The following WWTR1 variants were observed in gnomAD, a reference collection of about 807,000 sequenced individuals.
The protein encoded by WWTR1 is WW domain-containing transcription regulator protein 1.
Under a neutral mutation model 40.1 loss-of-function variants are expected in WWTR1, and 13 were observed. The observed-to-expected ratio is 0.32, with a 90% CI of 0.21 to 0.52. WWTR1 has a LOEUF of 0.52. WWTR1 is among the 20% of genes least tolerant of loss of function. The pLI is 0.97. For missense variants in WWTR1, 436 were observed against 523.1 expected, an observed-to-expected ratio of 0.83 and a Z score of 1.63; for synonymous variants, 230 against 210.1, an observed-to-expected ratio of 1.09 and a Z score of -0.82.
intron 1 of WWTR1, among the ~76,000 whole-genome samples, chr3:149,701,276 A>C (rs956663802): frequency 6.6e-6 from 1 of 152,200 alleles, no homozygotes; most frequent in African/African-American, 2.4e-5. Context: ...TTTGGGACCA[A>C]ACTGCCTGGA....
At chr3:149,712,385 C>CA (rs1258659614) in intron 5 of WWTR1, among the ~76,000 whole-genome samples, 1 of 152,118 alleles carries the variant, frequency 6.6e-6, no homozygotes. Flanking sequence ...AGAGAAAACA[C>CA]AAAAAATTAT....
At chr3:149,680,603 A>T (rs939394024) in intron 1 of WWTR1, among the ~76,000 whole-genome samples, 1 of 151,836 alleles carries the variant, frequency 6.6e-6, no homozygotes, top group African/African-American at 2.4e-5. Flanking sequence ...GGAGGCTGAG[A>T]TGGGAGGATC....
intron 1 of WWTR1, among the ~76,000 whole-genome samples, chr3:149,687,115 T>C (rs1160228254): frequency 5.3e-5 from 8 of 152,194 alleles, no homozygotes; most frequent in Admixed American, 5.2e-4. Context: ...TTCCCTCTCA[T>C]TGAGTTCTAC....
intron 2 of WWTR1, among the ~76,000 whole-genome samples, chr3:149,651,829 C>CTTT (rs764013293): frequency 3.1e-4 from 36 of 118,016 alleles, no homozygotes; most frequent in Non-Finnish European, 4.8e-4. Flanking sequence ...TATGGATTTT[C>CTTT]TTTTTTTTTT....
At chr3:149,591,325 A>G (rs1243079471) in intron 2 of WWTR1, among the ~76,000 whole-genome samples, 1 of 152,166 alleles carries the variant, frequency 6.6e-6, no homozygotes, top group Non-Finnish European at 1.5e-5. Flanking sequence ...GGAAAGCCAA[A>G]ACCTGTTCCT....
At chr3:149,540,066 A>G (rs556344563) in intron 4 of WWTR1, 23 of 318,586 alleles carry the variant, frequency 7.2e-5, no homozygotes, top group African/African-American at 4.5e-4. Flanking sequence ...CCACCATTCC[A>G]TCTCCTCCTA....
chr3:149,562,651 G>C (rs904402083), intron 3 of WWTR1, among the ~76,000 whole-genome samples: 3 of 148,036 alleles, frequency 2.0e-5, no homozygotes, highest in Admixed American at 1.3e-4. Context: ...ACACACAAAG[G>C]GGGAGGGGTG....
upstream of WWTR1, chr3:149,659,331 A>ATTTTTTTTTTTTTTTTTTTTTTTTTTTT (rs71138403): frequency 1.3e-4 from 14 of 106,464 alleles, 1 homozygote; most frequent in African/African-American, 5.4e-4. Flanking sequence ...TTGTGCCTTA[A>ATTTTTTTTTTTTTTTTTTTTTTTTTTTT]TTTTTTTTTT....
At chr3:149,678,072 G>A (rs1205204368) in intron 1 of WWTR1, among the ~76,000 whole-genome samples, 1 of 152,220 alleles carries the variant, frequency 6.6e-6, no homozygotes, top group East Asian at 1.9e-4. Context: ...CACCCAGCCA[G>A]TTGATGTTAT....
At chr3:149,579,721 T>C (rs1254960437) in intron 2 of WWTR1, among the ~76,000 whole-genome samples, 1 of 152,224 alleles carries the variant, frequency 6.6e-6, no homozygotes, top group African/African-American at 2.4e-5. Context: ...GCAAACTGTC[T>C]TATTTCAGAA....
At chr3:149,526,465 C>T (rs973558930) in intron 5 of WWTR1, among the ~76,000 whole-genome samples, 18 of 150,828 alleles carry the variant, frequency 1.2e-4, no homozygotes, top group African/African-American at 3.7e-4. Context: ...CATACACTAA[C>T]GGGCAGTAAG....
intron 4 of WWTR1, 37 bp from the exon 5 acceptor site, chr3:149,528,006 T>C (rs990397026): frequency 2.5e-6 from 4 of 1,598,418 alleles, no homozygotes; most frequent in Non-Finnish European, 3.4e-6. Flanking sequence ...CATGCACTCA[T>C]TGTCACAAGG....
At position 149,685,365 on chromosome 3, in the gene WWTR1, T is replaced by C. The variant is rs542754420; in HGVS notation, c.-107-15474A>G. 3.9e-5 allele frequency among the ~76,000 whole-genome samples: 6 copies of C among 152,326 alleles called. No homozygotes were observed. In the East Asian group the frequency reaches 9.6e-4, roughly 24 times the overall value. On this transcript the variant is annotated intron_variant, in intron 1 of 7. Transcript: ENST00000465804. ...ACCAGTCTGGAGAAAATGAGGCTGA[T>C]GTGCTGAGAGAAGCAGAAATGACAG...
intron 1 of WWTR1, among the ~76,000 whole-genome samples, chr3:149,696,743 G>A (rs1051444226): frequency 6.6e-6 from 1 of 152,130 alleles, no homozygotes; most frequent in Non-Finnish European, 1.5e-5. Flanking sequence ...CGAGCATGGC[G>A]TTTTTGAATT....
At chr3:149,587,865 A>C (rs1228344605) in intron 2 of WWTR1, among the ~76,000 whole-genome samples, 1 of 152,214 alleles carries the variant, frequency 6.6e-6, no homozygotes, top group Non-Finnish European at 1.5e-5. Context: ...CATAAAATGC[A>C]CACAAAAGAA....
intron 2 of WWTR1, among the ~76,000 whole-genome samples, chr3:149,579,476 T>C (rs1183883843): frequency 6.6e-6 from 1 of 151,294 alleles, no homozygotes; most frequent in Non-Finnish European, 1.5e-5. Flanking sequence ...CCTCCTTTTT[T>C]CTCTTCCAGT....
intron 1 of WWTR1, among the ~76,000 whole-genome samples, chr3:149,684,196 C>G (rs1467462768): frequency 6.6e-6 from 1 of 151,708 alleles, no homozygotes; most frequent in African/African-American, 2.4e-5. Context: ...TATATATAAT[C>G]ACATAAGTAG....
chr3:149,662,531 T>G (rs1255243177), upstream of WWTR1, among the ~76,000 whole-genome samples: 1 of 152,172 alleles, frequency 6.6e-6, no homozygotes, highest in Non-Finnish European at 1.5e-5. Flanking sequence ...CAAATGCTAT[T>G]GATTCTTTCT....
intron 4 of WWTR1, among the ~76,000 whole-genome samples, chr3:149,529,693 T>C (rs1395986638): frequency 6.6e-6 from 1 of 152,152 alleles, no homozygotes. Context: ...AGAAACCTTA[T>C]TATCCAACCA....
Sources: allele counts gnomAD v4.1 joint callset (sites outside exome capture counted in the v4.1 genomes callset), GRCh38; gene constraint gnomAD v4.1.1; transcripts MANE v1.5; gene names NCBI Gene and HGNC (gene_info 2026-07-23, HGNC 2026-07-21).